The following EDC4 variants were observed in gnomAD, a reference collection of about 807,000 sequenced individuals.
The protein encoded by EDC4 is enhancer of mRNA decapping 4.
Under a neutral mutation model 155.8 loss-of-function variants are expected in EDC4, and 64 were observed. That is an observed-to-expected ratio of 0.41 (90% CI 0.34 to 0.51). The LOEUF is 0.51. EDC4 is among the 20% of genes least tolerant of loss of function. The probability of loss-of-function intolerance (pLI) is 0.19; values close to 1 mark genes in which losing one functional copy is unlikely to be tolerated. For missense variants in EDC4, 1,303 were observed against 1,812.5 expected (o/e 0.72, Z 5.10); for synonymous variants, 684 against 716.8 (o/e 0.95, Z 0.73).
chr16:67,877,057 G>T lies in EDC4; in HGVS notation c.451+85G>T, dbSNP rs2058044888. ...CAACATCAGGCCACTCAGGCCTTAGGGGTACAATGGAAGGTTTGTCCATGC... is the reference window on the plus strand; with the variant it reads ...CAACATCAGGCCACTCAGGCCTTAGTGGTACAATGGAAGGTTTGTCCATGC... On this transcript the variant is annotated intron_variant, in intron 4 of 28. Transcript: ENST00000358933. The surrounding 1 kb of genome is among the most constrained non-coding windows in gnomAD (Gnocchi z 4.9). 10 of 1,571,634 alleles carry T rather than the reference G, an allele frequency of 6.4e-6. No homozygotes were observed. The highest frequency in any genetic ancestry group is 7.8e-6 in the Non-Finnish European group (9 of 1,157,752).
Position 67,876,353 on chromosome 16 carries a change from G to A in EDC4, c.240-135G>A, listed in dbSNP as rs1010119509. On this transcript the variant is annotated intron_variant, in intron 2 of 28. Coordinates refer to ENST00000358933, the MANE Select transcript of EDC4 (RefSeq NM_014329.5). This position sits in a 1 kb window ranked among gnomAD's most constrained non-coding sequence, Gnocchi z 5.8. ...ATGAGCAAGCAGAGCTGTGGGTCTGGGGCCAGTGGACCAGGCGAAGCTGAC... is the reference window on the plus strand; with the variant it reads ...ATGAGCAAGCAGAGCTGTGGGTCTGAGGCCAGTGGACCAGGCGAAGCTGAC... 6.4e-6 allele frequency: 9 copies of A among 1,396,552 alleles called. No homozygotes were observed. In the Admixed American group the frequency reaches 9.9e-5, roughly 15 times the overall value. The allele number at this position is 1,396,552 out of a possible 1,614,324, so 86.5% of individuals were successfully genotyped here. A position where few individuals can be genotyped will look rare whatever the true frequency, so the allele number is the denominator to read the frequency against.
Position 67,881,772 on chromosome 16 carries a change from C to A in EDC4, c.2931C>A (p.Thr977=). The A allele has an allele frequency of 6.2e-7, 1 of 1,614,162 alleles. No individual in the cohort carries two copies. The highest frequency in any genetic ancestry group is 8.5e-7 in the Non-Finnish European group (1 of 1,180,026). Residue 977 remains threonine, a synonymous_variant, in exon 22 of 29, where the codon ACC becomes ACA. Transcript: ENST00000358933. This position sits in a 1 kb window ranked among gnomAD's most constrained non-coding sequence, Gnocchi z 5.4. ...SQEELLQRLC[T]QLEGLQSTVT... ...AAGAGCTGCTGCAGCGTCTGTGTACCCAACTCGAAGGCCTGCAGAGCACAG... is the reference window on the plus strand; with the variant it reads ...AAGAGCTGCTGCAGCGTCTGTGTACACAACTCGAAGGCCTGCAGAGCACAG...
chr16:67,883,871 G>C lies in EDC4; in HGVS notation c.4014-85G>C. On this transcript the variant is annotated intron_variant, in intron 28 of 28. Transcript: ENST00000358933. The surrounding 1 kb of genome is among the most constrained non-coding windows in gnomAD (Gnocchi z 5.3). Reference sequence around the variant, plus strand: ...AGTCCTTTCTGCCTTCACCCAGAGGGTTCCCTCTGGGCCTCGGTGCCACCA... The same window carrying C: ...AGTCCTTTCTGCCTTCACCCAGAGGCTTCCCTCTGGGCCTCGGTGCCACCA... 6.5e-7 allele frequency: 1 copy of C among 1,536,270 alleles called. No homozygotes were observed. Among genetic ancestry groups the C allele is most frequent in the Non-Finnish European group, 8.8e-7 (1 of 1,137,692 alleles).
chr16:67,883,705 T>C lies in EDC4; in HGVS notation c.3987T>C (p.Leu1329=). The stretch of plus-strand genomic sequence containing the variant: ...TCATCCAGCAGCTGGCATCTGACCT[T>C]GGCACTCGAACTGACCTCAAGCTCA... ...LSLIQQLASD[L]GTRTDLKLSY... is the part of the protein sequence containing the mutation. The change falls in exon 28 of 29, where the codon CTT becomes CTC. Residue 1329 remains leucine, a synonymous_variant. Transcript: ENST00000358933. This position sits in a 1 kb window ranked among gnomAD's most constrained non-coding sequence, Gnocchi z 5.3. 6.2e-7 allele frequency: 1 copy of C among 1,614,086 alleles called. No homozygotes were observed. Among genetic ancestry groups the C allele is most frequent in the Non-Finnish European group, 8.5e-7 (1 of 1,180,018 alleles).
rs1399278196 is a variant in EDC4 at position 67,882,024 on chromosome 16, A to T, written c.3075A>T (p.Gln1025His). 1 of 1,612,370 alleles carries T rather than the reference A, an allele frequency of 6.2e-7. No homozygotes were observed. The highest frequency in any genetic ancestry group is 8.5e-7 in the Non-Finnish European group (1 of 1,179,498). The part of the protein sequence containing the change: ...RGGQLQEQLT[Q>H]QLSQALSSAV... ...GGCAGCTGCAGGAGCAGCTGACACA[A>T]CAGTTGTCCCAAGCACTGTCGTCAG... Residue 1025 changes from glutamine to histidine, a missense_variant, in exon 23 of 29, where the codon CAA becomes CAT. Transcript: ENST00000358933. The surrounding 1 kb of genome is among the most constrained non-coding windows in gnomAD (Gnocchi z 7.2).
chr16:67,882,275 C>T lies in EDC4; in HGVS notation c.3224C>T (p.Thr1075Ile), dbSNP rs780119241. 33 of 1,613,340 alleles carry T rather than the reference C, an allele frequency of 2.0e-5. No homozygotes were observed. The highest frequency in any genetic ancestry group is 2.6e-5 in the Non-Finnish European group (31 of 1,179,608). ...AGCAACTCAGTGGCTACCAAGCTCACAGCTGTGGAGGGCAGCATGAAAGAG... is the reference window on the plus strand; with the variant it reads ...AGCAACTCAGTGGCTACCAAGCTCATAGCTGTGGAGGGCAGCATGAAAGAG... ...QLSNSVATKL[T>I]AVEGSMKENI... Residue 1075 changes from threonine to isoleucine, a missense_variant, in exon 24 of 29, where the codon ACA becomes ATA. Transcript: ENST00000358933. The surrounding 1 kb of genome is among the most constrained non-coding windows in gnomAD (Gnocchi z 7.2).
Position 67,877,153 on chromosome 16 carries a change from G to T in EDC4, c.452-64G>T. 6.4e-7 allele frequency: 1 copy of T among 1,552,322 alleles called. No homozygotes were observed. On this transcript the variant is annotated intron_variant, in intron 4 of 28. Transcript: ENST00000358933. The surrounding 1 kb of genome is among the most constrained non-coding windows in gnomAD (Gnocchi z 4.9). ...TGGTGGCAGGGAGACAGGTGGGGCA[G>T]CGCTTCTCTGCTACTGCCTGAGCCT...
In EDC4 at chr16:67,881,835, C is replaced by T. The variant is rs147377812; in HGVS notation, c.2994C>T (p.His998=). 92 of 1,613,186 alleles carry T rather than the reference C, an allele frequency of 5.7e-5. No individual in the cohort carries two copies. Among genetic ancestry groups the T allele is most frequent in the Non-Finnish European group, 7.2e-5 (85 of 1,179,348 alleles). ...TAGAACGTGCCCTTGAGACTCGGCA[C>T]GAGCAGGAACGTATCCTTGAGACTG... is the stretch of plus-strand genomic sequence containing the variant. ...GHVERALETR[H]EQEQRRLERA... The change falls in exon 22 of 29, where the codon CAC becomes CAT. Residue 998 remains histidine (H), a synonymous_variant. Transcript: ENST00000358933. This position sits in a 1 kb window ranked among gnomAD's most constrained non-coding sequence, Gnocchi z 5.4.
chr16:67,876,243 C>T lies in EDC4; in HGVS notation c.239+142C>T, dbSNP rs2058040855. On this transcript the variant is annotated intron_variant, in intron 2 of 28. Coordinates refer to ENST00000358933, the MANE Select transcript of EDC4 (RefSeq NM_014329.5). The surrounding 1 kb of genome is among the most constrained non-coding windows in gnomAD (Gnocchi z 5.8). ...ACCTGGGGTGGAGCTTGAGCTTGCA[C>T]TAGGATGAGAGGCAAGGACAAGCTC... is the stretch of plus-strand genomic sequence containing the variant. The T allele has an allele frequency of 1.8e-6, 2 of 1,135,924 alleles. No homozygotes were observed. The highest frequency in any genetic ancestry group is 2.5e-6 in the Non-Finnish European group (2 of 799,364). The allele number at this position is 1,135,924 out of a possible 1,614,324, so 70.4% of individuals were successfully genotyped here.
chr16:67,876,201 T>C lies in EDC4; in HGVS notation c.239+100T>C. ...AGTGAGCGGGGCCAGCAGCCTCTGC[T>C]GCTTCCTCTCTAGATGACCTGGGGT... On this transcript the variant is annotated intron_variant, in intron 2 of 28. Transcript: ENST00000358933. The surrounding 1 kb of genome is among the most constrained non-coding windows in gnomAD (Gnocchi z 5.8). The C allele has an allele frequency of 2.3e-6, 3 of 1,333,328 alleles. No homozygotes were observed. The highest frequency in any genetic ancestry group is 3.2e-6 in the Non-Finnish European group (3 of 950,488). 82.6% of individuals were successfully genotyped at this position (1,333,328 alleles called of 1,614,324 possible).
chr16:67,878,822 A>T lies in EDC4; in HGVS notation c.1270A>T (p.Ser424Cys). ...LDLSAEYLIL[S>C]DVQRKVLYVM... ...CCTCTCAGCAGAATACCTGATTCTC[A>T]GCGATGTGCAACGGAAGGTAGGCTG... The change falls in exon 11 of 29, where the codon AGC becomes TGC. Residue 424 changes from serine to cysteine, a missense_variant. Ser to Cys is a moderately radical substitution (Grantham distance 112). This residue lies in a region of EDC4 where 235 missense variants were observed against 367.7 expected (regional missense o/e 0.64). Coordinates refer to ENST00000358933, the MANE Select transcript of EDC4 (RefSeq NM_014329.5). This position sits in a 1 kb window ranked among gnomAD's most constrained non-coding sequence, Gnocchi z 5.2. 6.2e-7 allele frequency: 1 copy of T among 1,613,840 alleles called. No individual in the cohort carries two copies. Among genetic ancestry groups the T allele is most frequent in the Non-Finnish European group, 8.5e-7 (1 of 1,179,982 alleles).
In EDC4 at chr16:67,880,937, T is replaced by A; in HGVS notation, c.2478T>A (p.Val826=). ...AGGCCTCGACTCCTGACAGTCAGGT[T>A]TGGCCCACAGCACCTGACATTACTC... The part of the protein sequence containing the change: ...TQEASTPDSQ[V]WPTAPDITRE... The change falls in exon 18 of 29, where the codon GTT becomes GTA. Residue 826 remains valine (V), a synonymous_variant. Coordinates refer to ENST00000358933, the MANE Select transcript of EDC4 (RefSeq NM_014329.5). This position sits in a 1 kb window ranked among gnomAD's most constrained non-coding sequence, Gnocchi z 5.2. 6.2e-7 allele frequency: 1 copy of A among 1,614,002 alleles called. No homozygotes were observed. Among genetic ancestry groups the A allele is most frequent in the Non-Finnish European group, 8.5e-7 (1 of 1,179,988 alleles).
Position 67,877,713 on chromosome 16 carries a change from T to C in EDC4, c.790-28T>C. The C allele has an allele frequency of 6.2e-7, 1 of 1,614,100 alleles. No homozygotes were observed. The highest frequency in any genetic ancestry group is 1.3e-5 in the African/African-American group (1 of 75,050). ...GAGAAGCCATAGTGTGGGGTTGGGC[T>C]GCACACTCACCTCCCTGTGCCTTCC... On this transcript the variant is annotated intron_variant, in intron 6 of 28. Coordinates refer to ENST00000358933, the MANE Select transcript of EDC4 (RefSeq NM_014329.5). This position sits in a 1 kb window ranked among gnomAD's most constrained non-coding sequence, Gnocchi z 4.9.
Position 67,883,944 on chromosome 16 carries a change from C to T in EDC4, c.4014-12C>T, listed in dbSNP as rs374846027. 2.4e-4 allele frequency: 377 copies of T among 1,585,408 alleles called. 5 individuals are homozygous for T. The South Asian group carries it at 3.2e-3, about 14-fold the overall frequency. On this transcript the variant is annotated splice_polypyrimidine_tract_variant and intron_variant, in intron 28 of 28. Transcript: ENST00000358933. The surrounding 1 kb of genome is among the most constrained non-coding windows in gnomAD (Gnocchi z 5.3). ...ACCCACCTGTAGCCTGTCCTTTCCC[C>T]CCCATCCCCAGCTACCTGGAAGAGG...
At position 67,879,880 on chromosome 16, in the gene EDC4, GGTAGCAGCAGCAGCAGCAGCA is replaced by G. The variant is rs750520879; in HGVS notation, c.1864_1884del (p.Ser623_Ser629del). The stretch of plus-strand genomic sequence containing the variant: ...TGCCTCTCCCAGCAGCAGCAGCAGC[GGTAGCAGCAGCAGCAGCAGCA>G]GTAGCAGCAGCTCCCTTACAGCTGT... On this transcript the variant is annotated inframe_deletion, in exon 16 of 29. Transcript: ENST00000358933. The surrounding 1 kb of genome is among the most constrained non-coding windows in gnomAD (Gnocchi z 6.0). 2.7e-4 allele frequency: 430 copies of G among 1,611,578 alleles called. 1 individual carries two copies. The highest frequency in any genetic ancestry group is 4.3e-4 in the African/African-American group (32 of 74,862).
rs8059110 is a variant in EDC4 at position 67,881,491 on chromosome 16, T to C, written c.2790-6T>C. ...CATAGCCTGAGGTGCTTCTCGCCTA[T>C]GGCAGGGATGCAGCCATGGGATCCC... is the stretch of plus-strand genomic sequence containing the variant. On this transcript the variant is annotated splice_polypyrimidine_tract_variant and splice_region_variant and intron_variant, in intron 20 of 28. Coordinates refer to ENST00000358933, the MANE Select transcript of EDC4 (RefSeq NM_014329.5). This position sits in a 1 kb window ranked among gnomAD's most constrained non-coding sequence, Gnocchi z 5.4. 5.8e-3 allele frequency: 9,363 copies of C among 1,614,086 alleles called. 389 individuals are homozygous for C. The African/African-American group carries it at 0.1, about 18-fold the overall frequency.
rs1343055409 is a variant in EDC4, at chr16:67,881,243, C to G, written c.2637-22C>G. On this transcript the variant is annotated intron_variant, in intron 19 of 28. Coordinates refer to ENST00000358933, the MANE Select transcript of EDC4 (RefSeq NM_014329.5). The surrounding 1 kb of genome is among the most constrained non-coding windows in gnomAD (Gnocchi z 5.4). ...TGGGCAGCAAGTGGGCAGGGGCTTA[C>G]TCCTCCTTCCCCTTCCCACAGTGAC... 6.2e-7 allele frequency: 1 copy of G among 1,613,948 alleles called. No individual in the cohort carries two copies. The highest frequency in any genetic ancestry group is 8.5e-7 in the Non-Finnish European group (1 of 1,179,940).
At position 67,878,948 on chromosome 16, in the gene EDC4, C is replaced by G; in HGVS notation, c.1288-9C>G. ...TCTGAGCTCAGCTAGGAACGTTCTG[C>G]CTGTGCAGGTCCTCTATGTGATGGA... On this transcript the variant is annotated splice_polypyrimidine_tract_variant and intron_variant, in intron 11 of 28. Transcript: ENST00000358933. This position sits in a 1 kb window ranked among gnomAD's most constrained non-coding sequence, Gnocchi z 5.2. 6.2e-7 allele frequency: 1 copy of G among 1,609,906 alleles called. No individual in the cohort carries two copies. Among genetic ancestry groups the G allele is most frequent in the Non-Finnish European group, 8.5e-7 (1 of 1,178,320 alleles).
In EDC4 at chr16:67,880,821, G is replaced by A. The variant is rs541332453; in HGVS notation, c.2362G>A (p.Glu788Lys). 9 of 1,613,880 alleles carry A rather than the reference G, an allele frequency of 5.6e-6. No individual in the cohort carries two copies. The highest frequency in any genetic ancestry group is 1.3e-5 in the African/African-American group (1 of 75,038). The change falls in exon 18 of 29, where the codon GAG (glutamate) becomes AAG (lysine). Residue 788 changes from glutamate to lysine, a missense_variant. Physicochemically the swap from Glu to Lys is moderately conservative, Grantham distance 56 (BLOSUM62 1). Coordinates refer to ENST00000358933, the MANE Select transcript of EDC4 (RefSeq NM_014329.5). This position sits in a 1 kb window ranked among gnomAD's most constrained non-coding sequence, Gnocchi z 5.2. ...LLSPRPRPGPELGPQLGLDGG... is the reference protein window; with the variant it reads ...LLSPRPRPGPKLGPQLGLDGG... ...GTCCCCACGGCCCCGGCCAGGGCCC[G>A]AGCTCGGCCCCCAGCTCGGGCTTGA...
Sources: allele counts gnomAD v4.1 joint callset, GRCh38; gene constraint gnomAD v4.1.1; regional missense constraint gnomAD v4.1.1; non-coding constraint Gnocchi (gnomAD v3.1); transcripts MANE v1.5; gene names NCBI Gene and HGNC (gene_info 2026-07-23, HGNC 2026-07-21).